OSBP2: variants seen among roughly 807,000 people sequenced by gnomAD.
OSBP2 encodes oxysterol binding protein 2.
Under a neutral mutation model 96.0 loss-of-function variants are expected in OSBP2, and 66 were observed. The ratio of observed to expected loss-of-function variants is 0.69; its 90% confidence interval spans 0.56 to 0.84. The LOEUF is 0.84. OSBP2 is among the 40% of genes least tolerant of loss of function. OSBP2 has a pLI of 0.00. For synonymous variants in OSBP2, 525 were observed against 520.9 expected (o/e 1.01, Z -0.11); for missense variants, 1,038 against 1,222.7 (o/e 0.85, Z 2.25).
chr22:30,705,681 C>T (rs1602146665), intron 1 of OSBP2, among the ~76,000 whole-genome samples: 1 of 152,236 alleles, frequency 6.6e-6, no homozygotes, highest in South Asian at 2.1e-4. Flanking sequence ...CAGGGAGGGT[C>T]TGTTAATCCA....
intron 12 of OSBP2, among the ~76,000 whole-genome samples, chr22:30,895,621 T>A (rs1436614643): frequency 3.9e-5 from 6 of 152,136 alleles, no homozygotes; most frequent in Non-Finnish European, 8.8e-5. Flanking sequence ...CCTCGGAAGT[T>A]TTGCCACACA....
chr22:30,745,708 G>A (rs1387938557), intron 2 of OSBP2, among the ~76,000 whole-genome samples: 4 of 146,338 alleles, frequency 2.7e-5, no homozygotes, highest in Non-Finnish European at 6.0e-5. Flanking sequence ...TAGAGTAAAT[G>A]AAATAGAGAA....
At chr22:30,707,497 G>A (rs578104894) in intron 1 of OSBP2, among the ~76,000 whole-genome samples, 13 of 151,846 alleles carry the variant, frequency 8.6e-5, no homozygotes, top group South Asian at 8.3e-4. Context: ...GGCGGATCAC[G>A]AGGTCAGAAG....
chr22:30,874,007 T>C (rs892008795), intron 3 of OSBP2, among the ~76,000 whole-genome samples: 5 of 152,032 alleles, frequency 3.3e-5, no homozygotes, highest in South Asian at 2.1e-4. Flanking sequence ...GAGGCTGAGG[T>C]GGGTGGATCA....
Position 30,888,875 on chromosome 22 carries a change from G to A in OSBP2, c.1419-302G>A, listed in dbSNP as rs9621129. Among the ~76,000 whole-genome samples the A allele has an allele frequency of 2.8e-3, 420 of 152,286 alleles. 1 individual carries two copies. Among genetic ancestry groups the A allele is most frequent in the African/African-American group, 9.5e-3 (394 of 41,544 alleles). On this transcript the variant is annotated intron_variant, in intron 5 of 13. Transcript: ENST00000332585. Reference sequence around the variant, plus strand: ...CCTATAGCTCCTGGGCTACAAACCTGTACAACATGTGACTGTACTGAATAT... The same window carrying A: ...CCTATAGCTCCTGGGCTACAAACCTATACAACATGTGACTGTACTGAATAT...
chr22:30,705,110 C>G (rs768866130), intron 1 of OSBP2, among the ~76,000 whole-genome samples: 1 of 152,170 alleles, frequency 6.6e-6, no homozygotes, highest in Non-Finnish European at 1.5e-5. Context: ...AGCATGTCTG[C>G]TGCTCTGTGT....
chr22:30,889,332 GC>G, intron 6 of OSBP2, 98 bp downstream of exon 6: 1 of 1,431,816 alleles, frequency 7.0e-7, no homozygotes, highest in Non-Finnish European at 9.7e-7. Flanking sequence ...CAGCAGGCAG[GC>G]CCATGCCCCA....
In OSBP2 at chr22:30,695,200, A is replaced by G. The variant is rs778071783; in HGVS notation, c.291A>G (p.Pro97=). 8.7e-6 allele frequency: 14 copies of G among 1,612,850 alleles called. No individual in the cohort carries two copies. In the African/African-American group the frequency reaches 9.3e-5, roughly 11 times the overall value. ...AGCCGGAGCCAGGGGCTGGGCAGCC[A>G]TCGGAACTGCTGCAGGGGTCGCGGC... The part of the protein sequence containing the change: ...TSEPEPGAGQ[P]SELLQGSRPG... The change falls in exon 1 of 14, where the codon CCA becomes CCG. Residue 97 remains proline (P), a synonymous_variant. Transcript: ENST00000332585.
chr22:30,866,453 T>G (rs2039341085), intron 2 of OSBP2, among the ~76,000 whole-genome samples: 6 of 152,200 alleles, frequency 3.9e-5, no homozygotes, highest in Admixed American at 3.9e-4. Flanking sequence ...TAAATGTGTG[T>G]TCTGGGCCAG....
At chr22:30,699,560 A>G (rs2089123653) in intron 1 of OSBP2, among the ~76,000 whole-genome samples, 1 of 152,202 alleles carries the variant, frequency 6.6e-6, no homozygotes, top group Admixed American at 6.6e-5. Flanking sequence ...TATCCTTTGC[A>G]AGACTTGGTA....
At position 30,867,105 on chromosome 22, in the gene OSBP2, T is replaced by C. The variant is rs1258326061; in HGVS notation, c.854-3324T>C. 2.0e-5 allele frequency among the ~76,000 whole-genome samples: 3 copies of C among 152,278 alleles called. No individual in the cohort carries two copies. In the East Asian group the frequency reaches 5.8e-4, roughly 30 times the overall value. On this transcript the variant is annotated intron_variant, in intron 2 of 13. Transcript: ENST00000332585. The stretch of plus-strand genomic sequence containing the variant: ...TGCCTATGACGGGTAGTTCACGGCC[T>C]TGGAGCTGGGTGGGAGCCACCATCA...
At chr22:30,900,842 C>G (rs539722850) in intron 12 of OSBP2, among the ~76,000 whole-genome samples, 2 of 152,190 alleles carry the variant, frequency 1.3e-5, no homozygotes, top group East Asian at 3.9e-4. Flanking sequence ...CTTTTAGACC[C>G]TAAGGAAATA....
At chr22:30,818,210 T>G (rs796452938) in intron 2 of OSBP2, among the ~76,000 whole-genome samples, 41 of 152,342 alleles carry the variant, frequency 2.7e-4, no homozygotes, top group African/African-American at 9.9e-4. Context: ...TCCTACTGTT[T>G]TAACATGTCA....
At chr22:30,847,957 C>G (rs2038904046) in intron 2 of OSBP2, among the ~76,000 whole-genome samples, 1 of 151,808 alleles carries the variant, frequency 6.6e-6, no homozygotes, top group Non-Finnish European at 1.5e-5. Flanking sequence ...TACTGTTTTT[C>G]TTATACATTC....
At chr22:30,900,896 T>C (rs1034400470) in intron 12 of OSBP2, among the ~76,000 whole-genome samples, 4 of 152,226 alleles carry the variant, frequency 2.6e-5, no homozygotes, top group Admixed American at 1.3e-4. Context: ...TAAAATACTT[T>C]TGTTCATTGA....
At chr22:30,792,946 A>G (rs1334757369) in intron 2 of OSBP2, among the ~76,000 whole-genome samples, 1 of 152,210 alleles carries the variant, frequency 6.6e-6, no homozygotes, top group Non-Finnish European at 1.5e-5. Flanking sequence ...TGACTTGTCC[A>G]CAATCACTGA....
At chr22:30,752,619 C>T (rs2090092703) in intron 2 of OSBP2, among the ~76,000 whole-genome samples, 1 of 151,924 alleles carries the variant, frequency 6.6e-6, no homozygotes, top group Non-Finnish European at 1.5e-5. Context: ...ATGAAGCCTC[C>T]AAGTAGCAGG....
intron 2 of OSBP2, among the ~76,000 whole-genome samples, chr22:30,798,862 A>G (rs1358375119): frequency 6.6e-6 from 1 of 151,272 alleles, no homozygotes; most frequent in Admixed American, 6.6e-5. Context: ...AAAAATACAA[A>G]CTTTAGCTGG....
chr22:30,794,857 A>G (rs911467639), intron 2 of OSBP2, among the ~76,000 whole-genome samples: 2 of 151,662 alleles, frequency 1.3e-5, no homozygotes, highest in African/African-American at 4.8e-5. Context: ...TCATACATGT[A>G]TACATTCCAC....
Sources: allele counts gnomAD v4.1 joint callset (sites outside exome capture counted in the v4.1 genomes callset), GRCh38; gene constraint gnomAD v4.1.1; transcripts MANE v1.5; gene names NCBI Gene and HGNC (gene_info 2026-07-23, HGNC 2026-07-21).